NFIB: variants seen among roughly 807,000 people sequenced by gnomAD.
NFIB encodes nuclear factor 1 B-type.
NFIB carries 11 observed loss-of-function variants against 61.5 expected under a neutral mutation model. That is an observed-to-expected ratio of 0.18 (90% CI 0.11 to 0.30). The LOEUF (loss-of-function observed/expected upper bound fraction) is 0.30, where lower values mean the gene tolerates loss of function less well. NFIB is among the 10% of genes least tolerant of loss of function. NFIB has a pLI of 1.00. For synonymous variants in NFIB, 260 were observed against 216.5 expected, an observed-to-expected ratio of 1.20 and a Z score of -1.76; for missense variants, 471 against 608.9, an observed-to-expected ratio of 0.77 and a Z score of 2.38.
intron 2 of NFIB, among the ~76,000 whole-genome samples, chr9:14,278,215 T>C (rs1015667744): frequency 2.6e-5 from 4 of 152,230 alleles, no homozygotes; most frequent in African/African-American, 7.2e-5. Flanking sequence ...GGAAGTGCAG[T>C]TGACTTGCAG....
intron 1 of NFIB, among the ~76,000 whole-genome samples, chr9:14,383,751 A>T (rs879487923): frequency 9.2e-5 from 14 of 152,190 alleles, no homozygotes; most frequent in Admixed American, 7.9e-4. Context: ...GAAGATTTAC[A>T]TGGGATCATC....
chr9:14,308,250 T>C (rs1029228826), intron 1 of NFIB, among the ~76,000 whole-genome samples: 1 of 152,154 alleles, frequency 6.6e-6, no homozygotes, highest in Non-Finnish European at 1.5e-5. Context: ...CAGCTCGTCG[T>C]ATCAGTGTCC....
rs550136567 is a variant in NFIB, at chr9:14,307,110, A to G, written c.441T>C (p.Asp147=). 27 of 1,614,158 alleles carry G rather than the reference A, an allele frequency of 1.7e-5. No homozygotes were observed. The highest frequency in any genetic ancestry group is 1.2e-4 in the South Asian group (11 of 91,088). Residue 147 remains aspartate, a synonymous_variant, in exon 2 of 11, where the codon GAT becomes GAC. Coordinates refer to ENST00000380953, the MANE Select transcript of NFIB (RefSeq NM_001190737.2). This position sits in a 1 kb window ranked among gnomAD's most constrained non-coding sequence, Gnocchi z 5.3. ...GTGGGGATTTCATGAGCCGCTCTCC[A>G]TCGGTACTTTCCAAGGGGATGCCTT... ...LFKGIPLEST[D]GERLMKSPHC...
At chr9:14,240,210 T>C (rs1009924995) in intron 2 of NFIB, among the ~76,000 whole-genome samples, 1 of 152,086 alleles carries the variant, frequency 6.6e-6, no homozygotes, top group Non-Finnish European at 1.5e-5. Context: ...TTTGGAAAAA[T>C]TCCTAGAGAG....
chr9:14,090,777 G>C (rs2033779588), intron 10 of NFIB, among the ~76,000 whole-genome samples: 1 of 151,996 alleles, frequency 6.6e-6, no homozygotes, highest in Non-Finnish European at 1.5e-5. Context: ...GCTCAAGAAA[G>C]TCATTTGGAG....
intron 1 of NFIB, among the ~76,000 whole-genome samples, chr9:14,354,969 C>A (rs2061158110): frequency 6.6e-6 from 1 of 151,840 alleles, no homozygotes; most frequent in Admixed American, 6.6e-5. Flanking sequence ...GAGAAGCGAA[C>A]CAGAGGAAGA....
At chr9:14,240,950 C>G (rs2054281594) in intron 2 of NFIB, among the ~76,000 whole-genome samples, 1 of 152,214 alleles carries the variant, frequency 6.6e-6, no homozygotes, top group South Asian at 2.1e-4. Context: ...AAACTGTATC[C>G]TCAAAGCTTA....
chr9:14,486,433 T>C, the NFIB span, among the ~76,000 whole-genome samples: 180 of 152,166 alleles, frequency 1.2e-3, no homozygotes, highest in African/African-American at 4.1e-3. Context: ...AAGGGGAGAA[T>C]GGTGATCTGG....
At chr9:14,382,679 C>A (rs73641918) in intron 1 of NFIB, among the ~76,000 whole-genome samples, 272 of 152,182 alleles carry the variant, frequency 1.8e-3, no homozygotes, top group African/African-American at 6.3e-3. Flanking sequence ...CCTAGCAGCA[C>A]TGTTTGTAAC....
the NFIB span, among the ~76,000 whole-genome samples, chr9:14,445,786 T>G: frequency 6.6e-6 from 1 of 152,228 alleles, no homozygotes; most frequent in African/African-American, 2.4e-5. Flanking sequence ...CACTATTTAT[T>G]GTTTTATATA....
intron 1 of NFIB, among the ~76,000 whole-genome samples, chr9:14,392,354 G>C (rs1394627639): frequency 6.6e-6 from 1 of 152,166 alleles, no homozygotes; most frequent in East Asian, 1.9e-4. Context: ...TTAATAATCA[G>C]GACAACAGAG....
chr9:14,447,911 C>T, the NFIB span, among the ~76,000 whole-genome samples: 1 of 152,040 alleles, frequency 6.6e-6, no homozygotes, highest in South Asian at 2.1e-4. Flanking sequence ...CATATTTAGA[C>T]AAGTTTTTAA....
chr9:14,446,739 A>C, the NFIB span, among the ~76,000 whole-genome samples: 9 of 152,174 alleles, frequency 5.9e-5, no homozygotes, highest in African/African-American at 2.2e-4. Flanking sequence ...AAATAAATGA[A>C]CGTATTATTA....
intron 1 of NFIB, among the ~76,000 whole-genome samples, chr9:14,389,294 AGTT>A (rs1284291778): frequency 1.3e-5 from 2 of 151,958 alleles, no homozygotes; most frequent in Non-Finnish European, 2.9e-5. Flanking sequence ...CTCCCATTTA[AGTT>A]GTTGTTCATC....
the NFIB span, among the ~76,000 whole-genome samples, chr9:14,498,829 C>CCCTTCCTT: frequency 3.2e-3 from 249 of 77,844 alleles, 3 homozygotes; most frequent in Middle Eastern, 0.014. Context: ...CTCCCTTCCT[C>CCCTTCCTT]CCTTCCTTCC....
chr9:14,191,868 C>T (rs1231242190), intron 2 of NFIB, among the ~76,000 whole-genome samples: 1 of 152,180 alleles, frequency 6.6e-6, no homozygotes, highest in Non-Finnish European at 1.5e-5. Flanking sequence ...TATTATGCTG[C>T]CATTTCAAAA....
At chr9:14,520,338 T>C in the NFIB span, among the ~76,000 whole-genome samples, 1 of 152,190 alleles carries the variant, frequency 6.6e-6, no homozygotes, top group South Asian at 2.1e-4. Flanking sequence ...TCTTAATAGG[T>C]GCTATTTCCC....
intron 1 of NFIB, among the ~76,000 whole-genome samples, chr9:14,385,934 C>A (rs922767507): frequency 1.3e-5 from 2 of 151,954 alleles, no homozygotes; most frequent in African/African-American, 4.8e-5. Flanking sequence ...AGGCATGTTC[C>A]ACGGCACCCA....
At chr9:14,421,413 G>A in the NFIB span, among the ~76,000 whole-genome samples, 1 of 152,158 alleles carries the variant, frequency 6.6e-6, no homozygotes, top group African/African-American at 2.4e-5. Context: ...TTAACAGAGT[G>A]TATATGTTCT....
Sources: gnomAD v4.1 joint callset for allele counts (sites outside exome capture counted in the v4.1 genomes callset) on GRCh38, gnomAD v4.1.1 for gene constraint, Gnocchi (gnomAD v3.1) non-coding constraint, MANE v1.5 for transcripts, NCBI Gene and HGNC (gene_info 2026-07-23, HGNC 2026-07-21) for gene names.